The following CDH2 variants were observed in gnomAD, a reference collection of about 807,000 sequenced individuals.
The protein encoded by CDH2 is cadherin 2, also known as cadherin-2.
In CDH2, 17 loss-of-function variants were observed where a neutral mutation model predicts 92.0. The ratio of observed to expected loss-of-function variants is 0.18; its 90% confidence interval spans 0.13 to 0.28. The LOEUF is 0.28. CDH2 is among the 10% of genes least tolerant of loss of function. The pLI is 1.00. For synonymous variants in CDH2, 419 were observed against 415.9 expected (o/e 1.01, Z -0.09); for missense variants, 862 against 1,133.1 (o/e 0.76, Z 3.44).
chr18:28,155,631 C>A (rs182413668), intron 1 of CDH2, among the ~76,000 whole-genome samples: 14 of 152,226 alleles, frequency 9.2e-5, no homozygotes, highest in Admixed American at 3.3e-4. Flanking sequence ...TTTTATTATG[C>A]GGTTATGTCT....
At chr18:28,134,944 C>G (rs2015836683) in intron 2 of CDH2, among the ~76,000 whole-genome samples, 1 of 152,134 alleles carries the variant, frequency 6.6e-6, no homozygotes, top group African/African-American at 2.4e-5. Flanking sequence ...AAGGCTCGAT[C>G]AGAAGCAGCC....
In CDH2 at chr18:27,951,479, T is replaced by A. The variant is rs1909444528; in HGVS notation, c.*674A>T. On this transcript the variant is annotated 3_prime_UTR_variant, in exon 16 of 16. Coordinates refer to ENST00000269141, the MANE Select transcript of CDH2 (RefSeq NM_001792.5). ...CTATTTTTACAGTGAAGTGGAAAAA[T>A]ACAGAAATAAAAAAGTGTACATGGA... 6.6e-6 allele frequency: 1 copy of A among 152,400 alleles called. No individual in the cohort carries two copies. Among genetic ancestry groups the A allele is most frequent in the African/African-American group, 2.4e-5 (1 of 41,378 alleles). 9.4% of individuals were successfully genotyped at this position (152,400 alleles called of 1,614,324 possible). A position where few individuals can be genotyped will look rare whatever the true frequency, so the allele number is the denominator to read the frequency against.
chr18:28,008,396 G>T (rs1008609883), intron 5 of CDH2, among the ~76,000 whole-genome samples: 1 of 152,162 alleles, frequency 6.6e-6, no homozygotes, highest in South Asian at 2.1e-4. Context: ...AGAAATCAAG[G>T]TCTTTGGGAA....
chr18:28,169,227 T>C (rs2016429664), intron 1 of CDH2, among the ~76,000 whole-genome samples: 1 of 152,174 alleles, frequency 6.6e-6, no homozygotes, highest in Non-Finnish European at 1.5e-5. Context: ...GTTCTGTGAA[T>C]GACGTACTGA....
intron 2 of CDH2, among the ~76,000 whole-genome samples, chr18:28,050,600 C>T (rs1316894930): frequency 2.0e-5 from 3 of 152,124 alleles, no homozygotes; most frequent in Non-Finnish European, 4.4e-5. Flanking sequence ...TTAATACTTA[C>T]CATATTTCAG....
chr18:28,072,362 G>A (rs780138569), intron 2 of CDH2, among the ~76,000 whole-genome samples: 10 of 152,070 alleles, frequency 6.6e-5, no homozygotes, highest in African/African-American at 1.2e-4. Flanking sequence ...GCACTGGAGC[G>A]CCTGTATTCA....
intron 2 of CDH2, among the ~76,000 whole-genome samples, chr18:28,132,659 T>C (rs371110835): frequency 1.3e-5 from 2 of 152,242 alleles, no homozygotes; most frequent in South Asian, 4.2e-4. Flanking sequence ...CCTAAAGCTA[T>C]GGATGGCACA....
At chr18:27,997,745 CAG>C (rs1400947363) in intron 7 of CDH2, among the ~76,000 whole-genome samples, 1 of 151,762 alleles carries the variant, frequency 6.6e-6, no homozygotes, top group Non-Finnish European at 1.5e-5. Flanking sequence ...GGGTTGGGGA[CAG>C]AGAGTTGAAT....
chr18:27,989,118 G>C (rs1307217148), intron 10 of CDH2, among the ~76,000 whole-genome samples: 1 of 152,140 alleles, frequency 6.6e-6, no homozygotes, highest in Non-Finnish European at 1.5e-5. Flanking sequence ...CTTTATCATG[G>C]CCAACATGAA....
At chr18:27,952,658 T>G (rs1484372351) in intron 15 of CDH2, among the ~76,000 whole-genome samples, 1 of 152,090 alleles carries the variant, frequency 6.6e-6, no homozygotes. Context: ...CAGAAATGAA[T>G]GGCCCTGCTT....
intron 13 of CDH2, among the ~76,000 whole-genome samples, chr18:27,984,630 C>T (rs1785621): frequency 2.0e-5 from 3 of 152,144 alleles, no homozygotes; most frequent in Non-Finnish European, 2.9e-5. Flanking sequence ...ACTTATTTTC[C>T]TAAATCATCA....
intron 1 of CDH2, among the ~76,000 whole-genome samples, chr18:28,150,304 G>C (rs940938594): frequency 6.6e-6 from 1 of 152,188 alleles, no homozygotes; most frequent in South Asian, 2.1e-4. Context: ...AAATGGGGGC[G>C]TTCAGGGTAG....
At chr18:28,057,332 T>C (rs143656606) in intron 2 of CDH2, among the ~76,000 whole-genome samples, 1 of 152,318 alleles carries the variant, frequency 6.6e-6, no homozygotes, top group East Asian at 1.9e-4. Flanking sequence ...CATGCTAAAA[T>C]TACTGAAATT....
chr18:28,151,268 G>C (rs766389181), intron 1 of CDH2, among the ~76,000 whole-genome samples: 1 of 152,190 alleles, frequency 6.6e-6, no homozygotes, highest in Non-Finnish European at 1.5e-5. Context: ...TTGCTCCCCA[G>C]GGGACATCTA....
intron 2 of CDH2, among the ~76,000 whole-genome samples, chr18:28,147,340 A>G (rs1489227493): frequency 2.0e-5 from 3 of 152,088 alleles, no homozygotes; most frequent in Admixed American, 1.3e-4. Context: ...TTTTAAAGCC[A>G]TTAGAACTAG....
intron 1 of CDH2, among the ~76,000 whole-genome samples, chr18:28,160,945 A>G (rs1423742185): frequency 6.6e-6 from 1 of 152,168 alleles, no homozygotes; most frequent in Non-Finnish European, 1.5e-5. Context: ...GAAATGTCCA[A>G]TGATCCTTGT....
chr18:27,987,761 T>C (rs1188802900), intron 11 of CDH2, among the ~76,000 whole-genome samples: 1 of 152,190 alleles, frequency 6.6e-6, no homozygotes, highest in Admixed American at 6.5e-5. Flanking sequence ...AGTTAGGTGC[T>C]GATACGTATC....
At chr18:28,070,831 A>T (rs928954211) in intron 2 of CDH2, among the ~76,000 whole-genome samples, 2 of 152,204 alleles carry the variant, frequency 1.3e-5, no homozygotes, top group African/African-American at 2.4e-5. Context: ...CACACCACGA[A>T]TCATGAGCAA....
In CDH2 at chr18:28,013,280, A is replaced by G. The variant is rs1052768607; in HGVS notation, c.399+403T>C. Among the ~76,000 whole-genome samples, 24 of 152,270 alleles carry G rather than the reference A, an allele frequency of 1.6e-4. 1 individual carries two copies. Among genetic ancestry groups the G allele is most frequent in the Middle Eastern group, 3.4e-3 (1 of 294 alleles). ...TTATTAAGGGACAAGACAAAAACCC[A>G]ATACTCATTGCCAGAAATGTTTTCC... On this transcript the variant is annotated intron_variant, in intron 3 of 15. Coordinates refer to ENST00000269141, the MANE Select transcript of CDH2 (RefSeq NM_001792.5).
Sources: gnomAD v4.1 joint callset for allele counts (sites outside exome capture counted in the v4.1 genomes callset) on GRCh38, gnomAD v4.1.1 for gene constraint, MANE v1.5 for transcripts, NCBI Gene and HGNC (gene_info 2026-07-23, HGNC 2026-07-21) for gene names.